The following SLC6A15 variants were observed in gnomAD, a reference collection of about 807,000 sequenced individuals.
SLC6A15 encodes solute carrier family 6 member 15, also known as sodium-dependent neutral amino acid transporter B(0)AT2.
SLC6A15 carries 33 observed loss-of-function variants against 68.5 expected under a neutral mutation model. That is an observed-to-expected ratio of 0.48 (90% CI 0.37 to 0.64). The LOEUF is 0.64. SLC6A15 is among the 30% of genes least tolerant of loss of function. The pLI is 0.00. For synonymous variants in SLC6A15, 347 were observed against 301.0 expected, an observed-to-expected ratio of 1.15 and a Z score of -1.58; for missense variants, 747 against 874.3, an observed-to-expected ratio of 0.85 and a Z score of 1.84.
chr12:84,910,807 G>T (rs1277378118), intron 1 of SLC6A15, among the ~76,000 whole-genome samples: 1 of 152,080 alleles, frequency 6.6e-6, no homozygotes, highest in Non-Finnish European at 1.5e-5. Context: ...CCTTCTGCCC[G>T]TACCTATAAA....
chr12:84,881,775 G>A (rs1871833128), intron 5 of SLC6A15: 1 of 913,936 alleles, frequency 1.1e-6, no homozygotes, highest in Non-Finnish European at 1.3e-6. Context: ...CTGTTTAGTA[G>A]GTAAACACAA....
At chr12:84,899,779 A>G (rs1366337921) in intron 1 of SLC6A15, among the ~76,000 whole-genome samples, 1 of 151,970 alleles carries the variant, frequency 6.6e-6, no homozygotes, top group Non-Finnish European at 1.5e-5. Context: ...CTCTTTCTCA[A>G]TCTCTCATTT....
At chr12:84,900,342 T>C (rs1272710195) in intron 1 of SLC6A15, among the ~76,000 whole-genome samples, 1 of 152,004 alleles carries the variant, frequency 6.6e-6, no homozygotes, top group Non-Finnish European at 1.5e-5. Flanking sequence ...CTAAATCAAG[T>C]TTTGCATCTT....
intron 2 of SLC6A15, among the ~76,000 whole-genome samples, chr12:84,887,321 T>A (rs1281216334): frequency 6.6e-6 from 1 of 152,204 alleles, no homozygotes. Context: ...TAATGGAATA[T>A]TTAGTGGAAC....
chr12:84,875,535 A>T (rs1314811864), intron 6 of SLC6A15, among the ~76,000 whole-genome samples: 1 of 151,444 alleles, frequency 6.6e-6, no homozygotes, highest in Non-Finnish European at 1.5e-5. Context: ...CTGCCTGCAC[A>T]TTCATCCTTC....
chr12:84,886,280 G>C (rs1872099582), intron 2 of SLC6A15, among the ~76,000 whole-genome samples: 1 of 151,976 alleles, frequency 6.6e-6, no homozygotes, highest in Admixed American at 6.6e-5. Flanking sequence ...AAATAATTAG[G>C]ATAAAATTAA....
intron 8 of SLC6A15, among the ~76,000 whole-genome samples, chr12:84,871,440 T>C (rs1365748732): frequency 6.6e-6 from 1 of 152,068 alleles, no homozygotes; most frequent in Non-Finnish European, 1.5e-5. Flanking sequence ...AGAAATTGAA[T>C]TACTTGCAAA....
Position 84,883,446 on chromosome 12 carries a change from A to G in SLC6A15, c.756+413T>C, listed in dbSNP as rs1020007752. 4.4e-6 allele frequency: 5 copies of G among 1,134,592 alleles called. No homozygotes were observed. In the South Asian group the frequency reaches 1.0e-4, roughly 23 times the overall value. The allele number at this position is 1,134,592 out of a possible 1,614,324, so 70.3% of individuals were successfully genotyped here. A position where few individuals can be genotyped will look rare whatever the true frequency, so the allele number is the denominator to read the frequency against. Reference sequence around the variant, plus strand: ...TATGCAGCTATTCCTTAGAACACCTACAGCAGAGAGAAACAAATGATATCA... The same window carrying G: ...TATGCAGCTATTCCTTAGAACACCTGCAGCAGAGAGAAACAAATGATATCA... On this transcript the variant is annotated intron_variant, in intron 5 of 11. Transcript: ENST00000266682.
At chr12:84,882,046 C>T (rs2120626384) in intron 5 of SLC6A15, 1 of 984,718 alleles carries the variant, frequency 1.0e-6, no homozygotes, top group South Asian at 4.7e-5. Flanking sequence ...CACTACATGA[C>T]ATGAGAAGAA....
intron 4 of SLC6A15, among the ~76,000 whole-genome samples, chr12:84,885,072 A>G (rs1020232099): frequency 3.9e-5 from 6 of 152,162 alleles, no homozygotes; most frequent in African/African-American, 1.2e-4. Flanking sequence ...AAGACATAAA[A>G]GCAACTATTT....
intron 6 of SLC6A15, among the ~76,000 whole-genome samples, chr12:84,874,773 C>A (rs1170555540): frequency 1.3e-5 from 2 of 152,140 alleles, no homozygotes; most frequent in African/African-American, 4.8e-5. Context: ...TAACTAAAGA[C>A]ATTACCAGCA....
intron 5 of SLC6A15, chr12:84,881,957 G>A (rs941349406): frequency 6.3e-5 from 62 of 983,910 alleles, no homozygotes; most frequent in Non-Finnish European, 7.4e-5. Context: ...CCAAATACTA[G>A]TCTTTTCCTG....
At chr12:84,878,767 C>T (rs1219833687) in intron 5 of SLC6A15, among the ~76,000 whole-genome samples, 1 of 151,808 alleles carries the variant, frequency 6.6e-6, no homozygotes, top group Non-Finnish European at 1.5e-5. Context: ...TAGTATGTCC[C>T]ACTTCCTCAA....
Position 84,883,994 on chromosome 12 carries a change from C to G in SLC6A15, c.621G>C (p.Trp207Cys). The stretch of plus-strand genomic sequence containing the variant: ...TTGAAATATTCAGTGCTTCCCTGTA[C>G]CAGTAATAGGTGGTGGCAGAACTTT... Reference protein sequence around the residue: ...CEQSSATTYYWYREALNISSS... With the variant: ...CEQSSATTYYCYREALNISSS... Residue 207 changes from tryptophan to cysteine, a missense_variant, in exon 5 of 12, where the codon TGG (tryptophan) becomes TGC (cysteine). Physicochemically the swap from Trp to Cys is radical, Grantham distance 215. Coordinates refer to ENST00000266682, the MANE Select transcript of SLC6A15 (RefSeq NM_182767.6). The G allele has an allele frequency of 6.2e-7, 1 of 1,614,186 alleles. No homozygotes were observed. The highest frequency in any genetic ancestry group is 8.5e-7 in the Non-Finnish European group (1 of 1,180,026).
intron 2 of SLC6A15, among the ~76,000 whole-genome samples, chr12:84,888,912 C>T (rs939011896): frequency 1.2e-4 from 19 of 152,254 alleles, no homozygotes; most frequent in Admixed American, 9.2e-4. Flanking sequence ...GTCACAGACA[C>T]AAGATTTCTT....
At chr12:84,902,016 G>C (rs1872906016) in intron 1 of SLC6A15, among the ~76,000 whole-genome samples, 1 of 151,684 alleles carries the variant, frequency 6.6e-6, no homozygotes, top group Non-Finnish European at 1.5e-5. Context: ...TTAGTTTATA[G>C]TTATGGTATA....
At chr12:84,876,663 T>A (rs1871562028) in intron 5 of SLC6A15, 56 bp from the exon 6 acceptor site, 1 of 761,396 alleles carries the variant, frequency 1.3e-6, no homozygotes, top group Non-Finnish European at 2.1e-6. Context: ...TTTTTATAGA[T>A]AAGATTTTAT....
intron 5 of SLC6A15, chr12:84,881,949 A>C (rs1356499792): frequency 1.0e-6 from 1 of 984,822 alleles, no homozygotes; most frequent in Non-Finnish European, 1.2e-6. Context: ...AATATTGCCC[A>C]AATACTAGTC....
chr12:84,883,089 T>C (rs1479533401), intron 5 of SLC6A15: 6 of 981,346 alleles, frequency 6.1e-6, no homozygotes, highest in Non-Finnish European at 6.0e-6. Flanking sequence ...GAGCCAACAG[T>C]AAATTCTTGC....
Sources: allele counts gnomAD v4.1 joint callset (sites outside exome capture counted in the v4.1 genomes callset), GRCh38; gene constraint gnomAD v4.1.1; transcripts MANE v1.5; gene names NCBI Gene and HGNC (gene_info 2026-07-23, HGNC 2026-07-21).